GRIN3A: variants seen among roughly 807,000 people sequenced by gnomAD.
The protein encoded by GRIN3A is glutamate receptor ionotropic, NMDA 3A.
GRIN3A carries 47 observed loss-of-function variants against 92.4 expected under a neutral mutation model. That is an observed-to-expected ratio of 0.51 (90% confidence interval 0.40 to 0.65). The LOEUF is 0.65. GRIN3A is among the 30% of genes least tolerant of loss of function. The probability of loss-of-function intolerance (pLI) is 0.00; values close to 1 mark genes in which losing one functional copy is unlikely to be tolerated. For synonymous variants in GRIN3A, 527 were observed against 540.6 expected, an observed-to-expected ratio of 0.97 and a Z score of 0.35; for missense variants, 1,324 against 1,393.1, an observed-to-expected ratio of 0.95 and a Z score of 0.79.
chr9:101,598,440 T>A (rs1309822580), intron 6 of GRIN3A, among the ~76,000 whole-genome samples: 1 of 152,160 alleles, frequency 6.6e-6, no homozygotes, highest in Non-Finnish European at 1.5e-5. Flanking sequence ...TAATTAGGTA[T>A]TATATTATAA....
chr9:101,694,032 A>G (rs911108294), intron 1 of GRIN3A, among the ~76,000 whole-genome samples: 30 of 152,194 alleles, frequency 2.0e-4, no homozygotes, highest in African/African-American at 5.5e-4. Flanking sequence ...GAGCAGTACA[A>G]TATAATGAAT....
intron 2 of GRIN3A, among the ~76,000 whole-genome samples, chr9:101,679,583 G>T (rs1829442735): frequency 6.6e-6 from 1 of 152,202 alleles, no homozygotes; most frequent in Non-Finnish European, 1.5e-5. Context: ...GCTGACAAGG[G>T]TTCCTACTGA....
intron 3 of GRIN3A, among the ~76,000 whole-genome samples, chr9:101,639,932 T>C (rs1828834114): frequency 6.6e-6 from 1 of 152,200 alleles, no homozygotes; most frequent in South Asian, 2.1e-4. Flanking sequence ...TATTTTTCTC[T>C]TAGGCTAGCT....
At chr9:101,656,561 T>C (rs1210920952) in intron 3 of GRIN3A, among the ~76,000 whole-genome samples, 1 of 151,910 alleles carries the variant, frequency 6.6e-6, no homozygotes, top group South Asian at 2.1e-4. Flanking sequence ...GCTTCTCTGA[T>C]TGTATTGTGC....
At chr9:101,632,108 C>T (rs1340777623) in intron 3 of GRIN3A, among the ~76,000 whole-genome samples, 2 of 152,296 alleles carry the variant, frequency 1.3e-5, no homozygotes, top group Admixed American at 6.5e-5. Context: ...TCTCTCATTT[C>T]CAAAACAAAC....
rs747779959 is a variant in GRIN3A, at chr9:101,573,364, C to A, written c.3158G>T (p.Arg1053Ile). 8 of 1,614,040 alleles carry A rather than the reference C, an allele frequency of 5.0e-6. No homozygotes were observed. The South Asian group carries it at 8.8e-5, about 18-fold the overall frequency. Residue 1053 changes from arginine to isoleucine, a missense_variant, in exon 9 of 9, where the codon AGA becomes ATA. Coordinates refer to ENST00000361820, the MANE Select transcript of GRIN3A (RefSeq NM_133445.3). ...GGTGGTCCGCAAGGCAGGGAGCTCT[C>A]TTCTCCTTGGAGGGAGGGGGATGTC... ...HQDIPLPPRR[R>I]ELPALRTTNG...
intron 3 of GRIN3A, among the ~76,000 whole-genome samples, chr9:101,634,494 T>G (rs943977375): frequency 1.3e-5 from 2 of 151,556 alleles, no homozygotes; most frequent in Non-Finnish European, 2.9e-5. Context: ...GCTAATAAAT[T>G]CATATCTAAT....
At chr9:101,694,718 G>A (rs1424181380) in intron 1 of GRIN3A, among the ~76,000 whole-genome samples, 1 of 152,160 alleles carries the variant, frequency 6.6e-6, no homozygotes, top group African/African-American at 2.4e-5. Flanking sequence ...ACTTGGGAAT[G>A]AGAGAGCTTT....
intron 1 of GRIN3A, among the ~76,000 whole-genome samples, chr9:101,725,076 C>A (rs1267995541): frequency 6.6e-6 from 1 of 152,128 alleles, no homozygotes; most frequent in Non-Finnish European, 1.5e-5. Context: ...GTGTGGCACA[C>A]CCCACTCCAA....
intron 3 of GRIN3A, among the ~76,000 whole-genome samples, chr9:101,629,309 G>A (rs1305104407): frequency 6.6e-6 from 1 of 151,970 alleles, no homozygotes; most frequent in East Asian, 1.9e-4. Context: ...ACACACCTTG[G>A]AAGAAAACAC....
intron 1 of GRIN3A, among the ~76,000 whole-genome samples, chr9:101,697,125 T>C (rs192957999): frequency 6.6e-6 from 1 of 152,324 alleles, no homozygotes; most frequent in Admixed American, 6.5e-5. Flanking sequence ...CTACCTGACA[T>C]TGACGAGCTT....
rs567735810 is a variant in GRIN3A at position 101,587,375 on chromosome 9, A to G, written c.2767-8015T>C. Among the ~76,000 whole-genome samples the G allele has an allele frequency of 1.9e-3, 285 of 152,208 alleles. 2 individuals carry two copies. The highest frequency in any genetic ancestry group is 6.3e-3 in the African/African-American group (261 of 41,522). On this transcript the variant is annotated intron_variant, in intron 6 of 8. Coordinates refer to ENST00000361820, the MANE Select transcript of GRIN3A (RefSeq NM_133445.3). ...TCTGATTCAATATATGTACTGTTTA[A>G]AGGATTAAGGTCCTCTAGCTCCGAG...
intron 1 of GRIN3A, among the ~76,000 whole-genome samples, chr9:101,701,092 TGCCACTAAGG>T (rs1829746628): frequency 6.6e-6 from 1 of 152,136 alleles, no homozygotes; most frequent in East Asian, 1.9e-4. Context: ...GCCCCAGATT[TGCCACTAAGG>T]GTATATGTTG....
intron 1 of GRIN3A, among the ~76,000 whole-genome samples, chr9:101,688,130 T>C (rs1489961711): frequency 1.3e-5 from 2 of 152,224 alleles, no homozygotes; most frequent in African/African-American, 4.8e-5. Context: ...TGGATTGCTT[T>C]TAAGAGCTTG....
chr9:101,727,798 G>A (rs946649021), intron 1 of GRIN3A, among the ~76,000 whole-genome samples: 1 of 150,554 alleles, frequency 6.6e-6, no homozygotes, highest in East Asian at 1.9e-4. Context: ...GGATTCCTAG[G>A]ATGCTTCAGC....
At chr9:101,732,287 G>A (rs1390295693) in intron 1 of GRIN3A, among the ~76,000 whole-genome samples, 3 of 152,268 alleles carry the variant, frequency 2.0e-5, no homozygotes, top group Non-Finnish European at 2.9e-5. Flanking sequence ...GTAGTTGGCG[G>A]AATAGGAGTG....
At chr9:101,675,080 T>A (rs977325298) in intron 2 of GRIN3A, among the ~76,000 whole-genome samples, 2 of 151,972 alleles carry the variant, frequency 1.3e-5, no homozygotes, top group Admixed American at 1.3e-4. Context: ...ACTTACAATA[T>A]CTTTGTCATG....
At chr9:101,641,478 T>C (rs9696511) in intron 3 of GRIN3A, among the ~76,000 whole-genome samples, 40,269 of 151,944 alleles carry the variant, frequency 0.27, 5,412 homozygotes, top group African/African-American at 0.31. Context: ...ATGTCCTTTG[T>C]AGGGACATGG....
At chr9:101,697,630 A>G (rs1343542152) in intron 1 of GRIN3A, among the ~76,000 whole-genome samples, 4 of 152,228 alleles carry the variant, frequency 2.6e-5, no homozygotes, top group Non-Finnish European at 1.5e-5. Flanking sequence ...GAAGCCCAGT[A>G]TAATCACAAA....
Sources: allele counts gnomAD v4.1 joint callset (sites outside exome capture counted in the v4.1 genomes callset), GRCh38; gene constraint gnomAD v4.1.1; transcripts MANE v1.5; gene names NCBI Gene and HGNC (gene_info 2026-07-23, HGNC 2026-07-21).